MED26: variants seen among roughly 807,000 people sequenced by gnomAD.
The protein encoded by MED26 is mediator of RNA polymerase II transcription subunit 26.
MED26 carries 7 observed loss-of-function variants against 43.7 expected under a neutral mutation model. That is an observed-to-expected ratio of 0.16 (90% CI 0.09 to 0.30). MED26 has a LOEUF of 0.30. MED26 is among the 10% of genes least tolerant of loss of function. The probability of loss-of-function intolerance (pLI) is 1.00; values close to 1 mark genes in which losing one functional copy is unlikely to be tolerated. For missense variants in MED26, 784 were observed against 840.6 expected, an observed-to-expected ratio of 0.93 and a Z score of 0.83; for synonymous variants, 375 against 371.1, an observed-to-expected ratio of 1.01 and a Z score of -0.12.
intron 1 of MED26, among the ~76,000 whole-genome samples, chr19:16,614,099 T>G (rs1342865304): frequency 6.6e-6 from 1 of 152,192 alleles, no homozygotes; most frequent in African/African-American, 2.4e-5. Context: ...CACCAGGTGA[T>G]GGCAACACCA....
chr19:16,575,873 A>G lies in MED26; in HGVS notation c.*154T>C, dbSNP rs539441025. 15 of 638,010 alleles carry G rather than the reference A, an allele frequency of 2.4e-5. No individual in the cohort carries two copies. The South Asian group carries it at 2.9e-4, about 12-fold the overall frequency. The allele number at this position is 638,010 out of a possible 1,614,324, so 39.5% of individuals were successfully genotyped here. A position where few individuals can be genotyped will look rare whatever the true frequency, so the allele number is the denominator to read the frequency against. On this transcript the variant is annotated 3_prime_UTR_variant, in exon 3 of 3. Coordinates refer to ENST00000263390, the MANE Select transcript of MED26 (RefSeq NM_004831.5). ...AGAGTTTTGAGGGAAGAGCGCAGAG[A>G]GACCGCGTGACTCCCGCCCCCTCCC... is the stretch of plus-strand genomic sequence containing the variant.
chr19:16,593,331 G>C (rs920862010), intron 1 of MED26, among the ~76,000 whole-genome samples: 2 of 152,146 alleles, frequency 1.3e-5, no homozygotes, highest in Admixed American at 6.5e-5. Flanking sequence ...CTCCTCCCCT[G>C]GTCATCTGGC....
intron 1 of MED26, among the ~76,000 whole-genome samples, chr19:16,617,568 CACAT>C (rs1259290809): frequency 6.6e-6 from 1 of 152,254 alleles, no homozygotes; most frequent in Non-Finnish European, 1.5e-5. Context: ...CAGACACACA[CACAT>C]AGTGTGGAGG....
At chr19:16,622,467 T>C (rs1187076679) in intron 1 of MED26, among the ~76,000 whole-genome samples, 1 of 152,240 alleles carries the variant, frequency 6.6e-6, no homozygotes, top group Non-Finnish European at 1.5e-5. Context: ...AGAAGGCCTT[T>C]AAATACAGCA....
intron 1 of MED26, among the ~76,000 whole-genome samples, chr19:16,594,338 A>C (rs1160719928): frequency 6.6e-6 from 1 of 152,206 alleles, no homozygotes; most frequent in East Asian, 1.9e-4. Flanking sequence ...AAGCCCAGCC[A>C]CACAGCAGTG....
chr19:16,610,907 G>C (rs1230846048), intron 1 of MED26: 1 of 152,300 alleles, frequency 6.6e-6, no homozygotes, highest in Non-Finnish European at 1.5e-5. Context: ...GAGGGAGAAG[G>C]TTCTCCCACA....
chr19:16,578,608 G>A, intron 1 of MED26, 199 bp from the exon 2 acceptor site: 1 of 586,884 alleles, frequency 1.7e-6, no homozygotes. Flanking sequence ...CCTGCCGTCT[G>A]ACCTCCTCCA....
Position 16,575,169 on chromosome 19 carries a change from A to C in MED26, c.*858T>G, listed in dbSNP as rs2085985764. On this transcript the variant is annotated 3_prime_UTR_variant, in exon 3 of 3. Transcript: ENST00000263390. ...CCCCTCGCCCCACAGTACAGCATAA[A>C]ACCAGTAGCACCCACAATAACTTTT... 1.3e-5 allele frequency: 2 copies of C among 152,592 alleles called. No homozygotes were observed. The highest frequency in any genetic ancestry group is 4.1e-4 in the South Asian group (2 of 4,828). The allele number at this position is 152,592 out of a possible 1,614,324, so 9.5% of individuals were successfully genotyped here. A position where few individuals can be genotyped will look rare whatever the true frequency, so the allele number is the denominator to read the frequency against.
chr19:16,578,108 G>C, intron 2 of MED26: 1 of 570,602 alleles, frequency 1.8e-6, no homozygotes, highest in South Asian at 2.2e-5. Context: ...ATGTCCCCAC[G>C]TGCCCACGAA....
At chr19:16,615,312 A>G (rs1365763526) in intron 1 of MED26, among the ~76,000 whole-genome samples, 3 of 152,196 alleles carry the variant, frequency 2.0e-5, no homozygotes, top group Non-Finnish European at 2.9e-5. Context: ...GAGAGGAATA[A>G]GAAGGGCTAC....
At chr19:16,607,519 G>T (rs2086179439) in intron 1 of MED26, among the ~76,000 whole-genome samples, 2 of 152,158 alleles carry the variant, frequency 1.3e-5, no homozygotes, top group Admixed American at 6.5e-5. Context: ...TAAAAGCCAT[G>T]AAGAAAATAA....
At chr19:16,579,780 T>TG (rs879362330) in intron 1 of MED26, among the ~76,000 whole-genome samples, 1 of 152,078 alleles carries the variant, frequency 6.6e-6, no homozygotes, top group Non-Finnish European at 1.5e-5. Flanking sequence ...CACAAGGAAA[T>TG]GGGCATCTCT....
At chr19:16,593,204 T>C (rs117793882) in intron 1 of MED26, among the ~76,000 whole-genome samples, 344 of 152,302 alleles carry the variant, frequency 2.3e-3, no homozygotes, top group Non-Finnish European at 2.8e-3. Flanking sequence ...GCATATTTCA[T>C]CGGCACCCTC....
chr19:16,585,507 A>G (rs1177729856), intron 1 of MED26, among the ~76,000 whole-genome samples: 1 of 152,234 alleles, frequency 6.6e-6, no homozygotes, highest in Non-Finnish European at 1.5e-5. Context: ...GGGAAGGGAC[A>G]GCCGTCACTC....
In MED26 at chr19:16,575,922, A is replaced by G. The variant is rs2085993239; in HGVS notation, c.*105T>C. The G allele has an allele frequency of 1.0e-6, 1 of 968,944 alleles. No individual in the cohort carries two copies. The highest frequency in any genetic ancestry group is 1.6e-5 in the South Asian group (1 of 64,122). 60.0% of individuals were successfully genotyped at this position (968,944 alleles called of 1,614,324 possible). A position where few individuals can be genotyped will look rare whatever the true frequency, so the allele number is the denominator to read the frequency against. ...CCTCCCGCCTGGGCCGGACTCCCCG[A>G]GTTCCCAGCGCAGGAGGCAGCTGGG... is the stretch of plus-strand genomic sequence containing the variant. On this transcript the variant is annotated 3_prime_UTR_variant, in exon 3 of 3. Transcript: ENST00000263390.
intron 1 of MED26, among the ~76,000 whole-genome samples, chr19:16,608,532 G>A (rs904899085): frequency 1.3e-5 from 2 of 152,132 alleles, no homozygotes; most frequent in Non-Finnish European, 2.9e-5. Flanking sequence ...TATAAATCAG[G>A]GCTTGATTTT....
intron 1 of MED26, among the ~76,000 whole-genome samples, chr19:16,590,768 C>T (rs55732314): frequency 0.015 from 2,218 of 152,116 alleles, 48 homozygotes; most frequent in African/African-American, 0.05. Flanking sequence ...TCAGGCACAG[C>T]GGCTCACACC....
chr19:16,627,002 G>A (rs1160932481), intron 1 of MED26, among the ~76,000 whole-genome samples: 1 of 133,098 alleles, frequency 7.5e-6, no homozygotes, highest in Non-Finnish European at 1.5e-5. Flanking sequence ...CCTCAGCAAA[G>A]GGGCACCCGA....
At chr19:16,585,439 G>A (rs73515002) in intron 1 of MED26, among the ~76,000 whole-genome samples, 5,499 of 152,122 alleles carry the variant, frequency 0.036, 237 homozygotes, top group Admixed American at 0.088. Flanking sequence ...AAGGGGTGGG[G>A]GCTAGGTCAC....
Sources: gnomAD v4.1 joint callset for allele counts (sites outside exome capture counted in the v4.1 genomes callset) on GRCh38, gnomAD v4.1.1 for gene constraint, MANE v1.5 for transcripts, NCBI Gene and HGNC (gene_info 2026-07-23, HGNC 2026-07-21) for gene names.